Variants in TP63 observed in about 807,000 individuals in gnomAD.
The protein encoded by TP63 is tumor protein p63.
TP63 carries 17 observed loss-of-function variants against 82.8 expected under a neutral mutation model. That is an observed-to-expected ratio of 0.21 (90% CI 0.14 to 0.31). TP63 has a LOEUF of 0.31. Among genes scored for constraint, TP63 ranks in the 10% least tolerant of loss-of-function variants. The probability of loss-of-function intolerance (pLI) is 1.00; values close to 1 mark genes in which losing one functional copy is unlikely to be tolerated. For synonymous variants in TP63, 330 were observed against 321.7 expected (o/e 1.03, Z -0.28); for missense variants, 648 against 895.3 (o/e 0.72, Z 3.52).
At chr3:189,737,903 A>G in intron 2 of TP63, 35 bp downstream of exon 2, 3 of 1,612,982 alleles carry the variant, frequency 1.9e-6, no homozygotes, top group Non-Finnish European at 2.5e-6. Context: ...GTTTTGCTTG[A>G]GCTAAATAGG....
chr3:189,832,024 G>T (rs1712441621), intron 4 of TP63, among the ~76,000 whole-genome samples: 1 of 151,714 alleles, frequency 6.6e-6, no homozygotes, highest in South Asian at 2.1e-4. Flanking sequence ...TAGAGACAGG[G>T]TTTCACCATG....
chr3:189,850,966 C>T (rs1372455600), intron 4 of TP63, among the ~76,000 whole-genome samples: 1 of 152,090 alleles, frequency 6.6e-6, no homozygotes, highest in African/African-American at 2.4e-5. Context: ...CACTTTCTCA[C>T]CAGGTTGAGA....
chr3:189,840,811 C>T (rs573912382), intron 4 of TP63, among the ~76,000 whole-genome samples: 92 of 137,068 alleles, frequency 6.7e-4, no homozygotes, highest in Non-Finnish European at 1.0e-3. Context: ...GAGCCGAGAT[C>T]ATGCCACTGC....
chr3:189,795,592 G>A (rs145521974), intron 3 of TP63, among the ~76,000 whole-genome samples: 36 of 152,088 alleles, frequency 2.4e-4, no homozygotes, highest in African/African-American at 7.5e-4. Flanking sequence ...GCCAGACAAC[G>A]TGAAGGAACA....
At chr3:189,742,865 G>A (rs1053025569) in intron 3 of TP63, among the ~76,000 whole-genome samples, 1 of 152,186 alleles carries the variant, frequency 6.6e-6, no homozygotes, top group African/African-American at 2.4e-5. Context: ...TAGTGTGCCT[G>A]AGATTGGCAA....
At chr3:189,772,600 G>A (rs988054161) in intron 3 of TP63, among the ~76,000 whole-genome samples, 3 of 152,124 alleles carry the variant, frequency 2.0e-5, no homozygotes, top group African/African-American at 7.2e-5. Context: ...TGATGAGTTT[G>A]GTGGCTGTTT....
At position 189,873,006 on chromosome 3, in the gene TP63, C is replaced by T. The variant is rs776361205; in HGVS notation, c.1349+11C>T. The T allele has an allele frequency of 6.2e-7, 1 of 1,613,984 alleles. No homozygotes were observed. Among genetic ancestry groups the T allele is most frequent in the Admixed American group, 1.7e-5 (1 of 59,996 alleles). ...CTTACTTCAGAAACAGTGAGTGTATCAACGTGTCATTTTAGGAGGCATGAG... is the reference window on the plus strand; with the variant it reads ...CTTACTTCAGAAACAGTGAGTGTATTAACGTGTCATTTTAGGAGGCATGAG... On this transcript the variant is annotated intron_variant, in intron 10 of 13. Transcript: ENST00000264731.
intron 10 of TP63, among the ~76,000 whole-genome samples, chr3:189,875,091 T>A (rs749082886): frequency 2.0e-5 from 3 of 151,568 alleles, no homozygotes; most frequent in Non-Finnish European, 2.9e-5. Context: ...ATTTTCTGGG[T>A]CTATATTGTC....
intron 3 of TP63, among the ~76,000 whole-genome samples, chr3:189,806,404 C>T (rs1259611871): frequency 6.6e-6 from 1 of 152,210 alleles, no homozygotes; most frequent in African/African-American, 2.4e-5. Context: ...GGAGCATTAT[C>T]TGATTCCTAC....
intron 3 of TP63, among the ~76,000 whole-genome samples, chr3:189,801,725 A>G (rs1291139044): frequency 6.6e-6 from 1 of 152,160 alleles, no homozygotes; most frequent in African/African-American, 2.4e-5. Flanking sequence ...CTCCTAAATT[A>G]TGGAATCTTG....
At chr3:189,692,173 C>T (rs1716987486) in intron 1 of TP63, among the ~76,000 whole-genome samples, 2 of 152,180 alleles carry the variant, frequency 1.3e-5, no homozygotes, top group Non-Finnish European at 2.9e-5. Context: ...TTTACCTCTA[C>T]ACACCAGTAT....
At chr3:189,851,238 A>G (rs1715584504) in intron 4 of TP63, among the ~76,000 whole-genome samples, 1 of 152,166 alleles carries the variant, frequency 6.6e-6, no homozygotes, top group Non-Finnish European at 1.5e-5. Flanking sequence ...GAGCTTGGGA[A>G]GGGGCGCAAA....
At chr3:189,793,720 T>A (rs922663132) in intron 3 of TP63, among the ~76,000 whole-genome samples, 7 of 152,080 alleles carry the variant, frequency 4.6e-5, no homozygotes, top group African/African-American at 1.4e-4. Flanking sequence ...TGTCAACAAA[T>A]AGAATGAATA....
chr3:189,659,273 A>G (rs1374791855), intron 1 of TP63, among the ~76,000 whole-genome samples: 1 of 151,852 alleles, frequency 6.6e-6, no homozygotes, highest in African/African-American at 2.4e-5. Flanking sequence ...CGTATACCCA[A>G]TGATTAGCTC....
chr3:189,754,058 C>A (rs566947441), intron 3 of TP63, among the ~76,000 whole-genome samples: 1 of 152,028 alleles, frequency 6.6e-6, no homozygotes, highest in African/African-American at 2.4e-5. Context: ...AGAAAAATAG[C>A]CTATTTTATT....
At chr3:189,677,353 A>AATAATTATATATATAAATATAT (rs1453814334) in intron 1 of TP63, among the ~76,000 whole-genome samples, 11 of 147,218 alleles carry the variant, frequency 7.5e-5, no homozygotes, top group East Asian at 3.9e-4. Flanking sequence ...AATATATATA[A>AATAATTATATATATAAATATAT]ATAATTATAT....
chr3:189,762,638 T>C (rs1722663241), intron 3 of TP63, among the ~76,000 whole-genome samples: 1 of 152,216 alleles, frequency 6.6e-6, no homozygotes, highest in Non-Finnish European at 1.5e-5. Flanking sequence ...ACATGTATCT[T>C]TATAAGTAAG....
chr3:189,660,700 A>T (rs961753337), intron 1 of TP63, among the ~76,000 whole-genome samples: 1 of 151,922 alleles, frequency 6.6e-6, no homozygotes, highest in Non-Finnish European at 1.5e-5. Context: ...ATGAGCATGG[A>T]ATGTTTTTTT....
chr3:189,680,967 G>C (rs1715855669), intron 1 of TP63, among the ~76,000 whole-genome samples: 1 of 152,208 alleles, frequency 6.6e-6, no homozygotes, highest in South Asian at 2.1e-4. Context: ...GTGAAGGCCT[G>C]GTGTTTGGGT....
Sources: allele counts gnomAD v4.1 joint callset (sites outside exome capture counted in the v4.1 genomes callset), GRCh38; gene constraint gnomAD v4.1.1; transcripts MANE v1.5; gene names NCBI Gene and HGNC (gene_info 2026-07-23, HGNC 2026-07-21).